The following NRXN1 variants were observed in gnomAD, a reference collection of about 807,000 sequenced individuals.
NRXN1 encodes the protein neurexin-1.
Under a neutral mutation model 150.9 loss-of-function variants are expected in NRXN1, and 39 were observed. The observed-to-expected ratio is 0.26, with a 90% CI of 0.20 to 0.34. NRXN1 has a LOEUF of 0.34. NRXN1 is among the 10% of genes least tolerant of loss of function. The pLI is 1.00. For synonymous variants in NRXN1, 924 were observed against 757.0 expected, an observed-to-expected ratio of 1.22 and a Z score of -3.62; for missense variants, 1,815 against 1,949.9, an observed-to-expected ratio of 0.93 and a Z score of 1.30.
At position 50,522,719 on chromosome 2, in the gene NRXN1, CATTTTTTTTTTTTTTTTTTTT is replaced by C. The variant is rs1202916793; in HGVS notation, c.2374+5885_2374+5905del. ...TTCCATTTATTCATTTATTTTTATT[CATTTTTTTTTTTTTTTTTTTT>C]TTTTTTTTTTGAGAGGAGTCTTGCT... On this transcript the variant is annotated intron_variant, in intron 12 of 22. Coordinates refer to ENST00000401669, the MANE Select transcript of NRXN1 (RefSeq NM_001330078.2). 7.7e-4 allele frequency among the ~76,000 whole-genome samples: 67 copies of C among 86,558 alleles called. 2 individuals are homozygous for C. Among genetic ancestry groups the C allele is most frequent in the African/African-American group, 2.6e-3 (44 of 16,774 alleles). The allele number at this position is 86,558 out of a possible 152,430, so 56.8% of individuals were successfully genotyped here.
chr2:51,029,178 T>C lies in NRXN1; in HGVS notation c.-905A>G, dbSNP rs1671092213. The C allele has an allele frequency of 6.6e-6, 1 of 152,254 alleles. No individual in the cohort carries two copies. 9.4% of individuals were successfully genotyped at this position (152,254 alleles called of 1,614,324 possible). A position where few individuals can be genotyped will look rare whatever the true frequency, so the allele number is the denominator to read the frequency against. The stretch of plus-strand genomic sequence containing the variant: ...TGCATTTTGGTTTTATCTTGTCTTT[T>C]TTAAGGACTCAGACATCTGCAGAGA... On this transcript the variant is annotated 5_prime_UTR_variant, in exon 2 of 23. Coordinates refer to ENST00000401669, the MANE Select transcript of NRXN1 (RefSeq NM_001330078.2).
chr2:50,345,018 GAAC>G (rs1243367342), intron 17 of NRXN1, among the ~76,000 whole-genome samples: 1 of 152,178 alleles, frequency 6.6e-6, no homozygotes, highest in Non-Finnish European at 1.5e-5. Context: ...CAGGTAAAGG[GAAC>G]AACAAGCTCC....
At chr2:50,846,587 T>C (rs1673688761) in intron 5 of NRXN1, among the ~76,000 whole-genome samples, 1 of 152,180 alleles carries the variant, frequency 6.6e-6, no homozygotes, top group African/African-American at 2.4e-5. Flanking sequence ...TAAAAGGCAT[T>C]CTAAAGAAAT....
intron 17 of NRXN1, among the ~76,000 whole-genome samples, chr2:50,406,021 A>G (rs2082726966): frequency 6.6e-6 from 1 of 152,122 alleles, no homozygotes; most frequent in African/African-American, 2.4e-5. Context: ...TGCAGCTGAT[A>G]AATAGTGAAA....
At chr2:50,544,208 A>G (rs188321121) in intron 9 of NRXN1, among the ~76,000 whole-genome samples, 2 of 148,908 alleles carry the variant, frequency 1.3e-5, no homozygotes, top group African/African-American at 5.0e-5. Flanking sequence ...ACAAATTCAA[A>G]CTTGATGAAA....
At chr2:50,094,589 C>T (rs777144570) in intron 18 of NRXN1, among the ~76,000 whole-genome samples, 14 of 151,940 alleles carry the variant, frequency 9.2e-5, no homozygotes, top group Non-Finnish European at 1.6e-4. Context: ...TTGCTGATGC[C>T]CAGTGGCCAA....
At chr2:50,874,654 G>A (rs1187915323) in intron 5 of NRXN1, among the ~76,000 whole-genome samples, 1 of 151,740 alleles carries the variant, frequency 6.6e-6, no homozygotes, top group East Asian at 2.0e-4. Flanking sequence ...GCAAGAGATG[G>A]TCTTACTTTT....
At chr2:50,540,401 T>C (rs996606955) in intron 9 of NRXN1, among the ~76,000 whole-genome samples, 3 of 152,230 alleles carry the variant, frequency 2.0e-5, no homozygotes, top group Non-Finnish European at 2.9e-5. Flanking sequence ...ATTTATAATA[T>C]TGAAAGAGAA....
At chr2:50,903,327 A>T (rs536897550) in intron 5 of NRXN1, among the ~76,000 whole-genome samples, 4 of 152,162 alleles carry the variant, frequency 2.6e-5, no homozygotes, top group Non-Finnish European at 5.9e-5. Context: ...ACTTTTCTTC[A>T]ATCTAAACCA....
chr2:49,939,951 G>C (rs1671687445), intron 22 of NRXN1, among the ~76,000 whole-genome samples: 1 of 152,078 alleles, frequency 6.6e-6, no homozygotes, highest in African/African-American at 2.4e-5. Context: ...TGGAACCACA[G>C]GTAATTCCAA....
chr2:50,952,035 C>A (rs1244279482), intron 2 of NRXN1, among the ~76,000 whole-genome samples: 1 of 132,578 alleles, frequency 7.5e-6, no homozygotes, highest in African/African-American at 2.9e-5. Context: ...GGCGGGATCT[C>A]GGCTCACTGC....
At chr2:50,878,525 T>C (rs1409767260) in intron 5 of NRXN1, among the ~76,000 whole-genome samples, 1 of 151,932 alleles carries the variant, frequency 6.6e-6, no homozygotes, top group Admixed American at 6.6e-5. Context: ...CAGAAACCCA[T>C]GTGGGCATCC....
intron 22 of NRXN1, among the ~76,000 whole-genome samples, chr2:49,923,838 G>C (rs1011976191): frequency 2.0e-5 from 3 of 152,146 alleles, no homozygotes; most frequent in Non-Finnish European, 4.4e-5. Flanking sequence ...GCTATGTTCT[G>C]GTGCTACAAA....
intron 17 of NRXN1, among the ~76,000 whole-genome samples, chr2:50,337,208 C>G (rs1280813790): frequency 6.6e-6 from 1 of 151,660 alleles, no homozygotes; most frequent in East Asian, 1.9e-4. Context: ...GCCTGACCCT[C>G]CTGAGTAGCT....
intron 21 of NRXN1, among the ~76,000 whole-genome samples, chr2:50,040,265 G>A (rs1690726788): frequency 6.6e-6 from 1 of 151,712 alleles, no homozygotes; most frequent in Non-Finnish European, 1.5e-5. Context: ...AGATATTCTT[G>A]TAAATTAATG....
At chr2:51,011,907 G>T (rs1229204297) in intron 2 of NRXN1, among the ~76,000 whole-genome samples, 1 of 151,996 alleles carries the variant, frequency 6.6e-6, no homozygotes, top group Non-Finnish European at 1.5e-5. Flanking sequence ...CCTGATGAGG[G>T]AGTATGAGAG....
At chr2:50,035,399 A>T (rs112034391) in intron 21 of NRXN1, among the ~76,000 whole-genome samples, 1,781 of 152,168 alleles carry the variant, frequency 0.012, 36 homozygotes, top group African/African-American at 0.041. Flanking sequence ...ATGTTTTTAG[A>T]TTGCAAAACA....
intron 17 of NRXN1, among the ~76,000 whole-genome samples, chr2:50,345,593 C>CA (rs2077889671): frequency 1.3e-5 from 2 of 152,316 alleles, no homozygotes; most frequent in South Asian, 2.1e-4. Context: ...GAACGACTCA[C>CA]AAAAACAGAT....
intron 21 of NRXN1, 31 bp from the exon 22 acceptor site, chr2:49,943,822 T>C: frequency 2.0e-6 from 3 of 1,477,874 alleles, no homozygotes; most frequent in African/African-American, 1.4e-5. Context: ...GTAGATTAAT[T>C]TAAAGGGTCC....
Sources: gnomAD v4.1 joint callset for allele counts (sites outside exome capture counted in the v4.1 genomes callset) on GRCh38, gnomAD v4.1.1 for gene constraint, MANE v1.5 for transcripts, NCBI Gene and HGNC (gene_info 2026-07-23, HGNC 2026-07-21) for gene names.